DPP4: variants seen among roughly 807,000 people sequenced by gnomAD.
DPP4 encodes the protein ADCP-2.
A neutral mutation model predicts 122.4 loss-of-function variants in DPP4; 93 were observed. The ratio of observed to expected loss-of-function variants is 0.76; its 90% CI spans 0.64 to 0.90. The LOEUF (loss-of-function observed/expected upper bound fraction) is 0.90, where lower values mean the gene tolerates loss of function less well. Among genes scored for constraint, DPP4 ranks in the 40% least tolerant of loss-of-function variants. The pLI is 0.00. For missense variants in DPP4, 914 were observed against 907.3 expected (o/e 1.01, Z -0.09); for synonymous variants, 321 against 302.9 (o/e 1.06, Z -0.62).
intron 13 of DPP4, 50 bp downstream of exon 13, chr2:162,020,531 C>CAAAA: frequency 1.8e-6 from 2 of 1,127,130 alleles, no homozygotes; most frequent in African/African-American, 1.7e-5. Flanking sequence ...AGTTGGTTTC[C>CAAAA]AAAAAAAAAA....
intron 23 of DPP4, among the ~76,000 whole-genome samples, chr2:162,001,288 G>T (rs1235786865): frequency 6.6e-6 from 1 of 152,100 alleles, no homozygotes; most frequent in African/African-American, 2.4e-5. Flanking sequence ...ATAAATGAAT[G>T]AAAACATGAA....
rs1305031510 is a variant in DPP4, at chr2:162,020,566, T to G, written c.1176+15A>C. ...AAAGAGGTCAACATGAAATAAAATATGTAAGAATACTCACTTTTTTATCTA... is the reference window on the plus strand; with the variant it reads ...AAAGAGGTCAACATGAAATAAAATAGGTAAGAATACTCACTTTTTTATCTA... On this transcript the variant is annotated intron_variant, in intron 13 of 25. Transcript: ENST00000360534. The G allele has an allele frequency of 6.4e-7, 1 of 1,565,338 alleles. No homozygotes were observed. The highest frequency in any genetic ancestry group is 8.7e-7 in the Non-Finnish European group (1 of 1,155,576).
rs999337923 is a variant in DPP4 at position 162,074,099 on chromosome 2, G to C, written c.-118C>G. The stretch of plus-strand genomic sequence containing the variant: ...CGGGCGGTGGAGTCACTCGCCGCTG[G>C]CAAGTTTCGGCCCCGAGTTAAACAT... On this transcript the variant is annotated 5_prime_UTR_variant, in exon 1 of 26. Coordinates refer to ENST00000360534, the MANE Select transcript of DPP4 (RefSeq NM_001935.4). The C allele has an allele frequency of 6.8e-6, 10 of 1,474,060 alleles. No homozygotes were observed. Among genetic ancestry groups the C allele is most frequent in the Admixed American group, 2.6e-5 (1 of 39,156 alleles). 91.3% of individuals were successfully genotyped at this position (1,474,060 alleles called of 1,614,324 possible).
intron 23 of DPP4, among the ~76,000 whole-genome samples, chr2:161,997,622 G>T (rs1701038926): frequency 1.3e-5 from 2 of 152,190 alleles, no homozygotes; most frequent in African/African-American, 2.4e-5. Context: ...GATATATTTT[G>T]CCCACTTTCT....
chr2:162,029,232 T>A (rs1052067793), intron 10 of DPP4, among the ~76,000 whole-genome samples: 2 of 152,330 alleles, frequency 1.3e-5, no homozygotes, highest in African/African-American at 4.8e-5. Flanking sequence ...TTCCCTTAAT[T>A]TGTGTAAATG....
intron 2 of DPP4, among the ~76,000 whole-genome samples, chr2:162,066,719 T>C (rs1434872453): frequency 1.3e-5 from 2 of 152,194 alleles, no homozygotes; most frequent in Non-Finnish European, 2.9e-5. Flanking sequence ...AAGTTCAATA[T>C]TGGGCATTTA....
intron 2 of DPP4, among the ~76,000 whole-genome samples, chr2:162,049,118 A>G (rs906447203): frequency 1.3e-5 from 2 of 152,198 alleles, no homozygotes; most frequent in African/African-American, 2.4e-5. Context: ...TAAAATTCCT[A>G]TAACTGCAGT....
rs369174193 is a variant in DPP4, at chr2:162,018,784, C to T, written c.1365G>A (p.Gln455=). 6.2e-7 allele frequency: 1 copy of T among 1,614,024 alleles called. No individual in the cohort carries two copies. Among genetic ancestry groups the T allele is most frequent in the Non-Finnish European group, 8.5e-7 (1 of 1,180,044 alleles). The change falls in exon 16 of 26, where the codon CAG becomes CAA. Residue 455 remains glutamine (Q), a synonymous_variant. Coordinates refer to ENST00000360534, the MANE Select transcript of DPP4 (RefSeq NM_001935.4). The stretch of plus-strand genomic sequence containing the variant: ...CTTTACTGAATGACACAGAATAGTA[C>T]TGACACCTTTCCGGATTCAGCTCAC... ...LSCELNPERC[Q]YYSVSFSKEA...
chr2:161,997,282 C>A (rs559077264), intron 23 of DPP4, among the ~76,000 whole-genome samples: 1 of 152,176 alleles, frequency 6.6e-6, no homozygotes, highest in Non-Finnish European at 1.5e-5. Flanking sequence ...GGTAAGATGT[C>A]TCAGATAAAT....
intron 1 of DPP4, 65 bp downstream of exon 1, chr2:162,073,911 T>C (rs1685215164): frequency 6.3e-6 from 10 of 1,597,926 alleles, no homozygotes; most frequent in Middle Eastern, 1.7e-4. Flanking sequence ...TTTTGGGCCA[T>C]TTGGGGAGTT....
At position 161,993,386 on chromosome 2, in the gene DPP4, T is replaced by C; in HGVS notation, c.2200-2A>G. 4 of 1,601,122 alleles carry C rather than the reference T, an allele frequency of 2.5e-6. No individual in the cohort carries two copies. Among genetic ancestry groups the C allele is most frequent in the Non-Finnish European group, 3.4e-6 (4 of 1,169,230 alleles). On this transcript the variant is annotated splice_acceptor_variant, in intron 25 of 25. Transcript: ENST00000360534. LOFTEE classifies it high-confidence loss of function. ...TCCATGGTCTTCATCAGTATACCAC[T>C]AGAGAGAGAAAGAAAAGAAGTTAGA...
intron 9 of DPP4, 54 bp from the exon 10 acceptor site, chr2:162,033,707 G>T (rs7608798): frequency 1.7e-6 from 2 of 1,206,110 alleles, no homozygotes; most frequent in African/African-American, 1.6e-5. Flanking sequence ...AAGTAACATC[G>T]TTGCACACAT....
chr2:162,003,813 G>A (rs543626869), intron 23 of DPP4, among the ~76,000 whole-genome samples: 4 of 152,254 alleles, frequency 2.6e-5, no homozygotes, highest in Non-Finnish European at 4.4e-5. Flanking sequence ...TCCTAAAGGC[G>A]AAGGCAAAGA....
intron 20 of DPP4, 60 bp downstream of exon 20, chr2:162,011,733 G>T: frequency 6.5e-7 from 1 of 1,532,096 alleles, no homozygotes; most frequent in Non-Finnish European, 8.9e-7. Context: ...GCTTTAAAAT[G>T]TAAATTTTAA....
At chr2:162,023,995 T>C (rs1683227385) in intron 11 of DPP4, among the ~76,000 whole-genome samples, 2 of 152,240 alleles carry the variant, frequency 1.3e-5, no homozygotes, top group South Asian at 4.1e-4. Context: ...TCCATGTTTG[T>C]TACATAAATT....
chr2:162,014,977 T>C (rs1682856618), intron 18 of DPP4, among the ~76,000 whole-genome samples: 1 of 152,228 alleles, frequency 6.6e-6, no homozygotes, highest in African/African-American at 2.4e-5. Flanking sequence ...CAGCTCTGTG[T>C]TTCACAGAAT....
At position 162,038,948 on chromosome 2, in the gene DPP4, C is replaced by T. The variant is rs932329179; in HGVS notation, c.492+1G>A. The stretch of plus-strand genomic sequence containing the variant: ...TCTGACAACTGGAGAGACTCACTAA[C>T]CAATTTATGACCCACTGGTGACCAT... On this transcript the variant is annotated splice_donor_variant, in intron 7 of 25. Coordinates refer to ENST00000360534, the MANE Select transcript of DPP4 (RefSeq NM_001935.4). LOFTEE classifies it high-confidence loss of function. 1 of 1,613,162 alleles carries T rather than the reference C, an allele frequency of 6.2e-7. No homozygotes were observed. Among genetic ancestry groups the T allele is most frequent in the African/African-American group, 1.3e-5 (1 of 74,886 alleles).
At position 162,073,427 on chromosome 2, in the gene DPP4, G is replaced by C. The variant is rs372503723; in HGVS notation, c.66C>G (p.Thr22=). 150 of 1,613,954 alleles carry C rather than the reference G, an allele frequency of 9.3e-5. 1 individual carries two copies. Among genetic ancestry groups the C allele is most frequent in the Non-Finnish European group, 1.2e-4 (146 of 1,180,026 alleles). The change falls in exon 2 of 26, where the codon ACC becomes ACG. Residue 22 remains threonine, a synonymous_variant. Transcript: ENST00000360534. Reference sequence around the variant, plus strand: ...CTTTGTTCAGCAGAACCACGGGCACGGTGATGATGGTGACAAGCGCAGCAG... The same window carrying C: ...CTTTGTTCAGCAGAACCACGGGCACCGTGATGATGGTGACAAGCGCAGCAG... ...LGAAALVTII[T]VPVVLLNKGT... is the part of the protein sequence containing the mutation.
intron 23 of DPP4, among the ~76,000 whole-genome samples, chr2:161,997,603 AT>A (rs1468818013): frequency 6.6e-6 from 1 of 152,182 alleles, no homozygotes; most frequent in Non-Finnish European, 1.5e-5. Context: ...TCATTCTGAA[AT>A]GTATTGAGAT....
Sources: allele counts gnomAD v4.1 joint callset (sites outside exome capture counted in the v4.1 genomes callset), GRCh38; gene constraint gnomAD v4.1.1; transcripts MANE v1.5; gene names NCBI Gene and HGNC (gene_info 2026-07-23, HGNC 2026-07-21).